The following SRGAP2C variants were observed in gnomAD, a reference collection of about 807,000 sequenced individuals.
The protein encoded by SRGAP2C is SLIT-ROBO Rho GTPase activating protein 2C.
In SRGAP2C, 15 loss-of-function variants were observed where a neutral mutation model predicts 25.1. The ratio of observed to expected loss-of-function variants is 0.60; its 90% CI spans 0.40 to 0.92. The LOEUF is 0.92. SRGAP2C is among the 40% of genes least tolerant of loss of function. The probability of loss-of-function intolerance (pLI) is 0.00; values close to 1 mark genes in which losing one functional copy is unlikely to be tolerated. For missense variants in SRGAP2C, 144 were observed against 264.4 expected, an observed-to-expected ratio of 0.54 and a Z score of 3.16; for synonymous variants, 44 against 96.6, an observed-to-expected ratio of 0.46 and a Z score of 3.19.
At chr1:121,340,695 AG>A (rs1658632912) in intron 4 of SRGAP2C, among the ~76,000 whole-genome samples, 2 of 151,398 alleles carry the variant, frequency 1.3e-5, no homozygotes, top group Non-Finnish European at 2.9e-5. Flanking sequence ...AGCTTCATAG[AG>A]GGGAAAGAAT....
At chr1:121,353,391 C>T (rs1462937054) in intron 4 of SRGAP2C, among the ~76,000 whole-genome samples, 1 of 147,440 alleles carries the variant, frequency 6.8e-6, no homozygotes, top group Non-Finnish European at 1.5e-5. Context: ...ATCTGTTGCC[C>T]AGCCTGGTCT....
chr1:121,190,129 G>A (rs1436035047), intron 2 of SRGAP2C, among the ~76,000 whole-genome samples: 2 of 152,180 alleles, frequency 1.3e-5, no homozygotes, highest in Non-Finnish European at 2.9e-5. Flanking sequence ...TGGAGACAAA[G>A]GGCCTGCGAT....
rs1429107899 is a variant in SRGAP2C at position 121,372,789 on chromosome 1, A to G, written c.487-1182A>G. On this transcript the variant is annotated intron_variant, in intron 5 of 9. Transcript: ENST00000367123. ...GTTATTGTAAGAATTAAATGAGGTA[A>G]TGTACGTAAAGCCCATGGTACACAA... 5.4e-5 allele frequency among the ~76,000 whole-genome samples: 4 copies of G among 74,380 alleles called. 2 individuals are homozygous for G. Among genetic ancestry groups the G allele is most frequent in the African/African-American group, 2.7e-4 (4 of 14,762 alleles). The allele number at this position is 74,380 out of a possible 152,430, so 48.8% of individuals were successfully genotyped here. A position where few individuals can be genotyped will look rare whatever the true frequency, so the allele number is the denominator to read the frequency against.
At chr1:121,321,801 G>A (rs1658209854) in intron 3 of SRGAP2C, among the ~76,000 whole-genome samples, 1 of 152,110 alleles carries the variant, frequency 6.6e-6, no homozygotes. Flanking sequence ...TCTTTGTTCA[G>A]TCATCTTTTC....
intron 4 of SRGAP2C, among the ~76,000 whole-genome samples, chr1:121,332,001 G>T (rs1658443750): frequency 7.2e-6 from 1 of 138,924 alleles, no homozygotes; most frequent in Non-Finnish European, 1.6e-5. Context: ...TTTAAACAAT[G>T]CTTTATAACA....
intron 2 of SRGAP2C, among the ~76,000 whole-genome samples, chr1:121,202,202 C>T (rs1570700665): frequency 6.6e-6 from 1 of 152,024 alleles, no homozygotes; most frequent in Non-Finnish European, 1.5e-5. Context: ...GCTGCTGTGG[C>T]CACACCCTCT....
intron 3 of SRGAP2C, among the ~76,000 whole-genome samples, chr1:121,308,248 C>A (rs1657888762): frequency 7.0e-6 from 1 of 142,750 alleles, no homozygotes; most frequent in African/African-American, 2.6e-5. Flanking sequence ...TCTGTGTGAC[C>A]TCAGGCTCCC....
At chr1:121,286,505 AC>A (rs1349106259) in intron 3 of SRGAP2C, among the ~76,000 whole-genome samples, 31 of 151,276 alleles carry the variant, frequency 2.0e-4, no homozygotes, top group Admixed American at 2.0e-3. Flanking sequence ...TGATCCTCCC[AC>A]CTCATCCTTC....
At chr1:121,216,294 A>AC (rs1471487539) in intron 2 of SRGAP2C, among the ~76,000 whole-genome samples, 1 of 152,054 alleles carries the variant, frequency 6.6e-6, no homozygotes, top group Non-Finnish European at 1.5e-5. Flanking sequence ...GTGACAGTCC[A>AC]CAGCAATGCT....
chr1:121,224,685 T>C (rs1655622638), intron 2 of SRGAP2C, among the ~76,000 whole-genome samples: 1 of 140,302 alleles, frequency 7.1e-6, no homozygotes, highest in Non-Finnish European at 1.5e-5. Flanking sequence ...CAGCTACTCC[T>C]GTGTCACTCA....
At chr1:121,294,668 A>T (rs1657559889) in intron 3 of SRGAP2C, among the ~76,000 whole-genome samples, 1 of 110,396 alleles carries the variant, frequency 9.1e-6, no homozygotes, top group African/African-American at 3.3e-5. Flanking sequence ...TCCTGCTTTT[A>T]ATAGCTCATT....
chr1:121,202,644 G>A (rs1166518174), intron 2 of SRGAP2C, among the ~76,000 whole-genome samples: 1 of 151,108 alleles, frequency 6.6e-6, no homozygotes, highest in African/African-American at 2.4e-5. Flanking sequence ...GTTCAGGCTG[G>A]TCTCGAACTC....
chr1:121,297,510 C>G (rs1156350365), intron 3 of SRGAP2C, among the ~76,000 whole-genome samples: 1 of 127,116 alleles, frequency 7.9e-6, no homozygotes, highest in Non-Finnish European at 1.7e-5. Context: ...GACAGTAATA[C>G]TTACCTTGAA....
chr1:121,208,858 C>A (rs1183906813), intron 2 of SRGAP2C, among the ~76,000 whole-genome samples: 1 of 152,070 alleles, frequency 6.6e-6, no homozygotes, highest in Non-Finnish European at 1.5e-5. Flanking sequence ...ATTATTTGTG[C>A]CGTCATCTGC....
intron 3 of SRGAP2C, among the ~76,000 whole-genome samples, chr1:121,314,059 A>T (rs1344017995): frequency 9.5e-6 from 1 of 105,128 alleles, no homozygotes; most frequent in African/African-American, 3.7e-5. Flanking sequence ...ACTTTCAGGT[A>T]CACCAATCAG....
chr1:121,201,488 T>A (rs1553321694), intron 2 of SRGAP2C, among the ~76,000 whole-genome samples: 2 of 151,948 alleles, frequency 1.3e-5, no homozygotes. Context: ...AGTTAATCAT[T>A]AAGCAGAGAC....
intron 2 of SRGAP2C, among the ~76,000 whole-genome samples, chr1:121,191,222 G>A (rs587631058): frequency 2.0e-5 from 3 of 152,080 alleles, no homozygotes; most frequent in African/African-American, 4.8e-5. Flanking sequence ...CTTCCCCCAG[G>A]ATACCAAAAT....
At chr1:121,267,252 G>T (rs587753213) in intron 2 of SRGAP2C, among the ~76,000 whole-genome samples, 2 of 150,912 alleles carry the variant, frequency 1.3e-5, no homozygotes, top group South Asian at 4.2e-4. Flanking sequence ...GGAGTGCAGC[G>T]GTGTGATCTC....
intron 2 of SRGAP2C, among the ~76,000 whole-genome samples, chr1:121,272,595 G>A (rs1242204767): frequency 6.6e-6 from 1 of 151,580 alleles, no homozygotes; most frequent in Admixed American, 6.6e-5. Context: ...AAGGAATTCG[G>A]GGATTCTTTT....
Sources: allele counts gnomAD v4.1 joint callset (sites outside exome capture counted in the v4.1 genomes callset), GRCh38; gene constraint gnomAD v4.1.1; transcripts MANE v1.5; gene names NCBI Gene and HGNC (gene_info 2026-07-23, HGNC 2026-07-21).